CDC27: variants seen among roughly 807,000 people sequenced by gnomAD.
The protein encoded by CDC27 is cell division cycle 27.
A neutral mutation model predicts 109.7 loss-of-function variants in CDC27; 27 were observed. That is an observed-to-expected ratio of 0.25 (90% CI 0.18 to 0.34). The LOEUF (loss-of-function observed/expected upper bound fraction) is 0.34, where lower values mean the gene tolerates loss of function less well. CDC27 is among the 10% of genes least tolerant of loss of function. The probability of loss-of-function intolerance (pLI) is 1.00; values close to 1 mark genes in which losing one functional copy is unlikely to be tolerated. For missense variants in CDC27, 579 were observed against 960.2 expected, an observed-to-expected ratio of 0.60 and a Z score of 5.25; for synonymous variants, 266 against 333.9, an observed-to-expected ratio of 0.80 and a Z score of 2.22.
Position 47,141,937 on chromosome 17 carries a change from G to A in CDC27, c.1467C>T (p.Ser489=), listed in dbSNP as rs780523901. 4.4e-6 allele frequency: 7 copies of A among 1,606,352 alleles called. No homozygotes were observed. In the Admixed American group the frequency reaches 1.0e-4, roughly 23 times the overall value. Residue 489 remains serine (S), a synonymous_variant, in exon 12 of 19, where the codon AGC becomes AGT. Transcript: ENST00000066544. ...TATTGTAGTGGTGAGAAGGTAGATGGCTCAAAATATTTATAGCTTCTTTGC... is the reference window on the plus strand; with the variant it reads ...TATTGTAGTGGTGAGAAGGTAGATGACTCAAAATATTTATAGCTTCTTTGC... ...YNCKEAINIL[S]HLPSHHYNTG...
chr17:47,148,739 T>C (rs1368043497), intron 9 of CDC27, among the ~76,000 whole-genome samples: 1 of 151,960 alleles, frequency 6.6e-6, no homozygotes, highest in East Asian at 1.9e-4. Context: ...TCAGAAACAA[T>C]ATAAGCCAAA....
intron 18 of CDC27, 88 bp from the exon 19 acceptor site, chr17:47,121,105 T>G: frequency 3.6e-6 from 3 of 835,828 alleles, no homozygotes; most frequent in Non-Finnish European, 5.9e-6. Flanking sequence ...AATTGTATTA[T>G]ATTCAGAGAG....
chr17:47,153,150 C>A (rs1219329868), intron 8 of CDC27, among the ~76,000 whole-genome samples: 1 of 152,214 alleles, frequency 6.6e-6, no homozygotes, highest in Non-Finnish European at 1.5e-5. Context: ...ATGTACACTG[C>A]ACTCAATACC....
intron 10 of CDC27, among the ~76,000 whole-genome samples, chr17:47,143,062 C>A (rs1332457368): frequency 6.6e-6 from 1 of 152,054 alleles, no homozygotes; most frequent in African/African-American, 2.4e-5. Context: ...GCCTTGACCT[C>A]CCCAGGCTCA....
Position 47,120,758 on chromosome 17 carries a change from A to G in CDC27, c.*177T>C. 1.9e-6 allele frequency: 1 copy of G among 522,788 alleles called. No individual in the cohort carries two copies. Among genetic ancestry groups the G allele is most frequent in the Non-Finnish European group, 3.4e-6 (1 of 290,292 alleles). The allele number at this position is 522,788 out of a possible 1,614,324, so 32.4% of individuals were successfully genotyped here. On this transcript the variant is annotated 3_prime_UTR_variant, in exon 19 of 19. Coordinates refer to ENST00000066544, the MANE Select transcript of CDC27 (RefSeq NM_001256.6). Reference sequence around the variant, plus strand: ...AAGAGCCAGTCTTGTTAGCAGCTAAATATTGCACTGCCTTTCATTCTGTAT... The same window carrying G: ...AAGAGCCAGTCTTGTTAGCAGCTAAGTATTGCACTGCCTTTCATTCTGTAT...
chr17:47,170,115 C>A, intron 3 of CDC27, 73 bp from the exon 4 acceptor site: 2 of 1,205,096 alleles, frequency 1.7e-6, no homozygotes, highest in Non-Finnish European at 2.2e-6. Flanking sequence ...TTCTTCATTA[C>A]CAAAGTGCAT....
intron 9 of CDC27, among the ~76,000 whole-genome samples, chr17:47,148,239 A>G (rs185551633): frequency 1.1e-4 from 16 of 152,080 alleles, no homozygotes; most frequent in Admixed American, 5.2e-4. Context: ...AAATCAATCT[A>G]GAGATGAAAG....
At chr17:47,144,135 A>C (rs1279146343) in intron 9 of CDC27, among the ~76,000 whole-genome samples, 153 bp from the exon 10 acceptor site, 1 of 152,198 alleles carries the variant, frequency 6.6e-6, no homozygotes, top group East Asian at 1.9e-4. Flanking sequence ...TGGTTTCTCT[A>C]TGAAAACACA....
intron 2 of CDC27, among the ~76,000 whole-genome samples, chr17:47,176,367 C>T (rs906951247): frequency 7.9e-5 from 12 of 152,018 alleles, no homozygotes; most frequent in African/African-American, 2.9e-4. Flanking sequence ...GAATACTATT[C>T]TCAATGTTTA....
intron 4 of CDC27, among the ~76,000 whole-genome samples, chr17:47,165,004 C>T (rs1043385243): frequency 4.6e-5 from 7 of 152,192 alleles, no homozygotes; most frequent in Non-Finnish European, 1.0e-4. Flanking sequence ...CTCACCCTAA[C>T]CCAACCTGAG....
chr17:47,159,997 G>T, intron 4 of CDC27: 2 of 224,428 alleles, frequency 8.9e-6, no homozygotes, highest in South Asian at 5.6e-5. Context: ...TGAAACCTCT[G>T]CTTCTTTTTT....
At chr17:47,157,856 G>C (rs1186675909) in intron 5 of CDC27, among the ~76,000 whole-genome samples, 1 of 152,136 alleles carries the variant, frequency 6.6e-6, no homozygotes, top group South Asian at 2.1e-4. Context: ...TTCAGGTCTT[G>C]TAAGTTTCAG....
At chr17:47,175,345 ATT>A (rs1369664194) in intron 2 of CDC27, among the ~76,000 whole-genome samples, 2 of 152,214 alleles carry the variant, frequency 1.3e-5, no homozygotes, top group Non-Finnish European at 2.9e-5. Flanking sequence ...ATTTTGACAA[ATT>A]TAAAATTTGT....
intron 3 of CDC27, chr17:47,170,493 T>C (rs112230628): frequency 0.016 from 2,441 of 152,322 alleles, 51 homozygotes; most frequent in African/African-American, 0.056. Context: ...CAATTTGTTT[T>C]TTGTAAAAAA....
chr17:47,156,718 G>A (rs1276479521), intron 7 of CDC27, 195 bp downstream of exon 7: 16 of 376,048 alleles, frequency 4.3e-5, no homozygotes, highest in Middle Eastern at 1.4e-3. Context: ...AAGGTGCTGG[G>A]ATTACAGGCA....
At chr17:47,143,337 A>G (rs2062856395) in intron 10 of CDC27, among the ~76,000 whole-genome samples, 1 of 152,232 alleles carries the variant, frequency 6.6e-6, no homozygotes, top group Non-Finnish European at 1.5e-5. Context: ...AACATGTGAC[A>G]TAACCATAGT....
At chr17:47,184,421 A>G (rs1362862384) in intron 1 of CDC27, among the ~76,000 whole-genome samples, 1 of 152,216 alleles carries the variant, frequency 6.6e-6, no homozygotes, top group Non-Finnish European at 1.5e-5. Context: ...AAAAGACTCA[A>G]ATGATTTACC....
intron 7 of CDC27, among the ~76,000 whole-genome samples, chr17:47,155,406 G>C (rs11570488): frequency 1.3e-5 from 2 of 151,862 alleles, no homozygotes; most frequent in African/African-American, 4.8e-5. Flanking sequence ...TCACCATGCC[G>C]GGCTAATTTT....
chr17:47,133,123 AT>A (rs2062440028), intron 14 of CDC27, among the ~76,000 whole-genome samples: 2 of 134,444 alleles, frequency 1.5e-5, no homozygotes, highest in Non-Finnish European at 3.1e-5. Context: ...ATATATATAT[AT>A]ATATATATAT....
Sources: gnomAD v4.1 joint callset for allele counts (sites outside exome capture counted in the v4.1 genomes callset) on GRCh38, gnomAD v4.1.1 for gene constraint, MANE v1.5 for transcripts, NCBI Gene and HGNC (gene_info 2026-07-23, HGNC 2026-07-21) for gene names.